Variants in ANKRD36 observed in about 807,000 individuals in gnomAD.
The protein encoded by ANKRD36 is ankyrin repeat domain-containing protein 36A.
Under a neutral mutation model 278.1 loss-of-function variants are expected in ANKRD36, and 179 were observed. The ratio of observed to expected loss-of-function variants is 0.64; its 90% CI spans 0.57 to 0.73. The LOEUF (loss-of-function observed/expected upper bound fraction) is 0.73, where lower values mean the gene tolerates loss of function less well. Ranked by LOEUF, ANKRD36 falls within the 30% of genes least tolerant of loss-of-function variation. ANKRD36 has a pLI of 0.00. For synonymous variants in ANKRD36, 320 were observed against 641.1 expected, an observed-to-expected ratio of 0.50 and a Z score of 7.57; for missense variants, 1,159 against 1,956.7, an observed-to-expected ratio of 0.59 and a Z score of 7.69.
Position 97,144,695 on chromosome 2 carries a change from AACAAAAATCTGGG to A in ANKRD36, c.990_1002del (p.Lys331CysfsTer9), listed in dbSNP as rs757365661. Reference sequence around the variant, plus strand: ...AACACAGCCACAGAAATAAAAGATGAACAAAAATCTGGGACAGGTAATTTTGCAATACACATTT... The same window carrying A: ...AACACAGCCACAGAAATAAAAGATGAACAGGTAATTTTGCAATACACATTT... On this transcript the variant is annotated frameshift_variant, in exon 10 of 76. Coordinates refer to ENST00000420699, the MANE Select transcript of ANKRD36 (RefSeq NM_001354587.1). LOFTEE classifies it high-confidence loss of function. 74 of 1,544,238 alleles carry A rather than the reference AACAAAAATCTGGG, an allele frequency of 4.8e-5. No individual in the cohort carries two copies. In the Admixed American group the frequency reaches 5.7e-4, roughly 12 times the overall value.
At chr2:97,200,785 C>T (rs1454844459) in intron 46 of ANKRD36, among the ~76,000 whole-genome samples, 1 of 151,842 alleles carries the variant, frequency 6.6e-6, no homozygotes, top group Non-Finnish European at 1.5e-5. Context: ...GGCTCTGGGG[C>T]CCAGCATAAT....
Position 97,141,228 on chromosome 2 carries a change from CAT to C in ANKRD36, c.800-1399_800-1398del, listed in dbSNP as rs200637762. ...CTACCAATATTCTTGGCAATCATGA[CAT>C]ATATATATATATTTACATATATATA... On this transcript the variant is annotated intron_variant, in intron 6 of 75. Transcript: ENST00000420699. 2.0e-4 allele frequency among the ~76,000 whole-genome samples: 29 copies of C among 148,252 alleles called. 1 individual carries two copies. Among genetic ancestry groups the C allele is most frequent in the East Asian group, 7.9e-4 (4 of 5,088 alleles).
At chr2:97,180,559 A>G (rs2055879143) in intron 24 of ANKRD36, among the ~76,000 whole-genome samples, 1 of 151,690 alleles carries the variant, frequency 6.6e-6, no homozygotes, top group South Asian at 2.1e-4. Flanking sequence ...AAACAGTGCT[A>G]GAATCGGGAT....
chr2:97,156,290 T>C (rs2047412197), intron 15 of ANKRD36, among the ~76,000 whole-genome samples: 1 of 145,596 alleles, frequency 6.9e-6, no homozygotes, highest in African/African-American at 2.4e-5. Flanking sequence ...TACATATGTA[T>C]ACATGTGCCA....
At chr2:97,125,372 A>G (rs2038297467) in intron 5 of ANKRD36, among the ~76,000 whole-genome samples, 2 of 130,728 alleles carry the variant, frequency 1.5e-5, no homozygotes, top group Admixed American at 1.6e-4. Context: ...TTATCAACAC[A>G]CATACGGAGC....
intron 11 of ANKRD36, among the ~76,000 whole-genome samples, chr2:97,147,060 T>G (rs1218679521): frequency 6.6e-6 from 1 of 151,834 alleles, no homozygotes; most frequent in Admixed American, 6.6e-5. Context: ...GACCGTAAGT[T>G]TTTTGTAAGC....
chr2:97,122,794 T>G lies in ANKRD36; in HGVS notation c.487-93T>G. ...TCTTATGACCTTTCAATTGTATATA[T>G]TGAAGCTCACAGGATCTTACTTACA... On this transcript the variant is annotated intron_variant, in intron 3 of 75. Coordinates refer to ENST00000420699, the MANE Select transcript of ANKRD36 (RefSeq NM_001354587.1). 3 of 1,209,068 alleles carry G rather than the reference T, an allele frequency of 2.5e-6. No homozygotes were observed. The South Asian group carries it at 4.3e-5, about 17-fold the overall frequency. The allele number at this position is 1,209,068 out of a possible 1,614,324, so 74.9% of individuals were successfully genotyped here.
chr2:97,183,808 A>T (rs1454166845), intron 28 of ANKRD36, among the ~76,000 whole-genome samples, 154 bp downstream of exon 28: 1 of 151,822 alleles, frequency 6.6e-6, no homozygotes, highest in East Asian at 2.0e-4. Context: ...GGTGGTGCTG[A>T]TGCTGCTGGT....
At chr2:97,220,729 C>CTTTTTTTTTT in intron 66 of ANKRD36, among the ~76,000 whole-genome samples, 3 of 66,520 alleles carry the variant, frequency 4.5e-5, no homozygotes, top group African/African-American at 1.3e-4. Context: ...GATTTTCTTG[C>CTTTTTTTTTT]TTTTTTTTTT....
chr2:97,163,812 T>C (rs1204608859), intron 18 of ANKRD36: 36 of 822,186 alleles, frequency 4.4e-5, no homozygotes, highest in Non-Finnish European at 5.3e-5. Context: ...CCTGACTTTG[T>C]GATCTGCCCG....
intron 48 of ANKRD36, among the ~76,000 whole-genome samples, chr2:97,203,603 G>T (rs1449640963): frequency 6.6e-6 from 1 of 151,788 alleles, no homozygotes; most frequent in East Asian, 1.9e-4. Context: ...GAATTGTCAT[G>T]GTAATTGTGT....
chr2:97,154,052 A>G (rs1388188166), intron 14 of ANKRD36, among the ~76,000 whole-genome samples: 4 of 148,608 alleles, frequency 2.7e-5, no homozygotes, highest in Admixed American at 2.7e-4. Context: ...GAATATTCCC[A>G]AAGTACATTT....
intron 24 of ANKRD36, among the ~76,000 whole-genome samples, chr2:97,181,182 G>A (rs373173851): frequency 6.6e-6 from 1 of 151,600 alleles, no homozygotes; most frequent in Admixed American, 6.6e-5. Flanking sequence ...AAGTTAAAGG[G>A]CATGATGAAT....
chr2:97,158,630 T>C lies in ANKRD36; in HGVS notation c.1364T>C (p.Met455Thr). The C allele has an allele frequency of 1.3e-6, 2 of 1,536,522 alleles. No homozygotes were observed. The highest frequency in any genetic ancestry group is 1.7e-6 in the Non-Finnish European group (2 of 1,146,716). Residue 455 changes from methionine (M) to threonine (T), a missense_variant, in exon 17 of 76, where the codon ATG (methionine) becomes ACG (threonine). Transcript: ENST00000420699. Reference sequence around the variant, plus strand: ...ATTGACAAAACAGAAAATGGAAACATGTTTGAAGACCAAAATGTTGATAAG... The same window carrying C: ...ATTGACAAAACAGAAAATGGAAACACGTTTGAAGACCAAAATGTTGATAAG... ...CGIDKTENGN[M>T]FEDQNVDKEG...
intron 8 of ANKRD36, among the ~76,000 whole-genome samples, chr2:97,143,553 AT>A (rs942961732): frequency 2.6e-5 from 4 of 152,166 alleles, no homozygotes; most frequent in African/African-American, 9.6e-5. Context: ...AAATAGGCTA[AT>A]CATGAATATG....
chr2:97,174,885 A>G (rs1199351921), intron 22 of ANKRD36, among the ~76,000 whole-genome samples: 1 of 150,528 alleles, frequency 6.6e-6, no homozygotes, highest in Non-Finnish European at 1.5e-5. Flanking sequence ...TGAGATAATC[A>G]TGTGGTTTTT....
At chr2:97,194,109 T>C (rs1379121773) in intron 38 of ANKRD36, among the ~76,000 whole-genome samples, 1 of 151,578 alleles carries the variant, frequency 6.6e-6, no homozygotes, top group Non-Finnish European at 1.5e-5. Flanking sequence ...AACTAGTGGA[T>C]ACAAGAAAAT....
At chr2:97,122,684 T>C (rs2037215959) in intron 3 of ANKRD36, among the ~76,000 whole-genome samples, 1 of 150,432 alleles carries the variant, frequency 6.6e-6, no homozygotes, top group East Asian at 1.9e-4. Flanking sequence ...TGACCAGAGT[T>C]CTTGTGGTGA....
chr2:97,154,884 T>A, intron 15 of ANKRD36, 143 bp downstream of exon 15: 1 of 676,822 alleles, frequency 1.5e-6, no homozygotes, highest in Non-Finnish European at 2.2e-6. Context: ...GATAACCATT[T>A]TAAAGAAATA....
Sources: allele counts gnomAD v4.1 joint callset (sites outside exome capture counted in the v4.1 genomes callset), GRCh38; gene constraint gnomAD v4.1.1; transcripts MANE v1.5; gene names NCBI Gene and HGNC (gene_info 2026-07-23, HGNC 2026-07-21).